The following FRMPD4 variants were observed in gnomAD, a reference collection of about 807,000 sequenced individuals.
FRMPD4 encodes FERM and PDZ domain containing 4, also known as FERM and PDZ domain-containing protein 4.
In FRMPD4, 22 loss-of-function variants were observed where a neutral mutation model predicts 94.1. That is an observed-to-expected ratio of 0.23 (90% CI 0.17 to 0.33). FRMPD4 has a LOEUF of 0.33. Among genes scored for constraint, FRMPD4 ranks in the 10% least tolerant of loss-of-function variants. FRMPD4 has a pLI of 1.00. For missense variants in FRMPD4, 1,111 were observed against 1,339.9 expected (o/e 0.83, Z 2.67); for synonymous variants, 631 against 548.6 (o/e 1.15, Z -2.10).
chrX:12,048,772 C>A (rs2054800100), intron 3 of FRMPD4, among the ~76,000 whole-genome samples: 1 of 111,503 alleles, frequency 9.0e-6, no homozygotes, highest in South Asian at 3.8e-4. Flanking sequence ...TTTTTGTTGA[C>A]TTTGTTGAAG....
At position 12,138,879 on chromosome X, in the gene FRMPD4, C is replaced by T; in HGVS notation, c.-93C>T. Reference sequence around the variant, plus strand: ...CGCCGCGACTCGAGCCCCGGGCGCACTGAGGTCTTGGCCATGGGGCTGCGG... The same window carrying T: ...CGCCGCGACTCGAGCCCCGGGCGCATTGAGGTCTTGGCCATGGGGCTGCGG... On this transcript the variant is annotated 5_prime_UTR_variant, in exon 1 of 17. Coordinates refer to ENST00000675598, the MANE Select transcript of FRMPD4 (RefSeq NM_001368397.1). 1.3e-6 allele frequency: 1 copy of T among 741,327 alleles called. No individual in the cohort carries two copies. The highest frequency in any genetic ancestry group is 1.9e-6 in the Non-Finnish European group (1 of 536,922). 61.1% of individuals were successfully genotyped at this position (741,327 alleles called of 1,213,427 possible).
At chrX:11,887,812 T>A (rs909765553) in intron 3 of FRMPD4, among the ~76,000 whole-genome samples, 1 of 111,859 alleles carries the variant, frequency 8.9e-6, no homozygotes, top group Admixed American at 9.5e-5. Context: ...TTAAAATGGG[T>A]GTTATTCTGA....
chrX:11,953,204 A>C (rs1191362611), intron 3 of FRMPD4, among the ~76,000 whole-genome samples: 1 of 112,212 alleles, frequency 8.9e-6, no homozygotes, highest in African/African-American at 3.2e-5. Context: ...CTCATTTGGT[A>C]ATATCCTTCT....
At chrX:11,965,401 G>A (rs751345970) in intron 3 of FRMPD4, among the ~76,000 whole-genome samples, 1 of 112,238 alleles carries the variant, frequency 8.9e-6, no homozygotes, top group Admixed American at 9.4e-5. Flanking sequence ...TCCTTCATGT[G>A]ACTTAGTTTG....
rs1569166646 is a variant in FRMPD4 at position 12,139,550 on chromosome X, T to TG, written c.41+538_41+539insG. ...AGAAAGACTTTCAGCCTTTTTTTTTTTGGGGGGGGGGTAACTATATTCTTA... is the reference window on the plus strand; with the variant it reads ...AGAAAGACTTTCAGCCTTTTTTTTTTGTGGGGGGGGGGTAACTATATTCTTA... On this transcript the variant is annotated intron_variant, in intron 1 of 16. Coordinates refer to ENST00000675598, the MANE Select transcript of FRMPD4 (RefSeq NM_001368397.1). Among the ~76,000 whole-genome samples the TG allele has an allele frequency of 9.7e-4, 93 of 95,401 alleles. 1 individual carries two copies. The highest frequency in any genetic ancestry group is 9.3e-4 in the Non-Finnish European group (46 of 49,440). 82.8% of individuals were successfully genotyped at this position (95,401 alleles called of 115,157 possible). A position where few individuals can be genotyped will look rare whatever the true frequency, so the allele number is the denominator to read the frequency against.
intron 1 of FRMPD4, among the ~76,000 whole-genome samples, chrX:12,469,201 T>C (rs1163130736): frequency 8.9e-6 from 1 of 111,771 alleles, no homozygotes; most frequent in Admixed American, 9.5e-5. Context: ...TTTGGACATA[T>C]GAAACTAACA....
intron 1 of FRMPD4, among the ~76,000 whole-genome samples, chrX:12,298,465 G>C (rs2054807757): frequency 8.9e-6 from 1 of 112,372 alleles, no homozygotes; most frequent in Non-Finnish European, 1.9e-5. Flanking sequence ...TATAGTAGCT[G>C]TTCTAATAAC....
intron 9 of FRMPD4, among the ~76,000 whole-genome samples, chrX:12,696,208 T>C (rs1237813561): frequency 8.9e-6 from 1 of 112,338 alleles, no homozygotes; most frequent in Non-Finnish European, 1.9e-5. Flanking sequence ...TGTAAAATTG[T>C]GATATTCATT....
chrX:11,929,024 C>A (rs2054104755), intron 3 of FRMPD4, among the ~76,000 whole-genome samples: 1 of 112,335 alleles, frequency 8.9e-6, no homozygotes, highest in Non-Finnish European at 1.9e-5. Flanking sequence ...AAACTAAATA[C>A]CACATGTTAT....
chrX:12,333,025 A>G (rs188672322), intron 1 of FRMPD4, among the ~76,000 whole-genome samples: 4 of 112,101 alleles, frequency 3.6e-5, no homozygotes, highest in Admixed American at 1.9e-4. Flanking sequence ...GCACTATGGT[A>G]TATTTTTCCT....
At chrX:12,450,253 T>C (rs1349777419) in intron 1 of FRMPD4, among the ~76,000 whole-genome samples, 3 of 111,366 alleles carry the variant, frequency 2.7e-5, no homozygotes, top group Non-Finnish European at 5.7e-5. Flanking sequence ...GTAACAGTTA[T>C]ATATAATAAT....
chrX:12,065,489 G>C (rs1010430413), intron 3 of FRMPD4, among the ~76,000 whole-genome samples: 2 of 112,099 alleles, frequency 1.8e-5, no homozygotes, highest in Non-Finnish European at 3.8e-5. Flanking sequence ...TGGCTGACTA[G>C]ATGGATCAGG....
chrX:12,494,256 G>C (rs1005628247), intron 1 of FRMPD4, among the ~76,000 whole-genome samples: 6 of 111,539 alleles, frequency 5.4e-5, no homozygotes, highest in African/African-American at 1.6e-4. Flanking sequence ...TCTATCTTTT[G>C]AGGGGCTGTC....
At chrX:12,589,976 C>T (rs1292306863) in intron 2 of FRMPD4, among the ~76,000 whole-genome samples, 2 of 112,244 alleles carry the variant, frequency 1.8e-5, no homozygotes, top group Non-Finnish European at 3.8e-5. Context: ...GCATAATTAT[C>T]ATATGAGACT....
chrX:12,037,056 T>A (rs1157729867), intron 3 of FRMPD4, among the ~76,000 whole-genome samples: 1 of 111,996 alleles, frequency 8.9e-6, no homozygotes, highest in African/African-American at 3.2e-5. Flanking sequence ...AGCTATGAGA[T>A]TGTCTAGTAC....
At chrX:12,410,884 TTTAGAC>T (rs1243541445) in intron 1 of FRMPD4, among the ~76,000 whole-genome samples, 1 of 111,727 alleles carries the variant, frequency 9.0e-6, no homozygotes, top group African/African-American at 3.2e-5. Context: ...TTAGAGTTCT[TTTAGAC>T]TTAGAGATAT....
chrX:12,578,025 T>C (rs1357629264), intron 2 of FRMPD4, among the ~76,000 whole-genome samples: 1 of 112,866 alleles, frequency 8.9e-6, no homozygotes, highest in Admixed American at 9.3e-5. Context: ...AGCTGCCTTC[T>C]TGCTCTGTCT....
Position 11,906,115 on chromosome X carries a change from T to TTTTATGTA in FRMPD4, c.95+28102_95+28103insGTATTTAT, listed in dbSNP as rs531007929. Among the ~76,000 whole-genome samples the TTTTATGTA allele has an allele frequency of 1.6e-3, 139 of 88,247 alleles. 1 individual carries two copies. Among genetic ancestry groups the TTTTATGTA allele is most frequent in the African/African-American group, 5.4e-3 (131 of 24,402 alleles). 76.6% of individuals were successfully genotyped at this position (88,247 alleles called of 115,157 possible). ...AATGAATAGCTTCAGTTTCCCTTCA[T>TTTTATGTA]TTTATTTATTTATTTATTTATTTAT... On this transcript the variant is annotated intron_variant, in intron 3 of 18. Transcript: ENST00000640291.
chrX:12,320,198 T>C (rs2055186738), intron 1 of FRMPD4, among the ~76,000 whole-genome samples: 1 of 111,942 alleles, frequency 8.9e-6, no homozygotes. Flanking sequence ...CTTTTGAGTC[T>C]AAAGCACTTT....
Sources: allele counts gnomAD v4.1 joint callset (sites outside exome capture counted in the v4.1 genomes callset), GRCh38; gene constraint gnomAD v4.1.1; transcripts MANE v1.5; gene names NCBI Gene and HGNC (gene_info 2026-07-23, HGNC 2026-07-21).